The following MRTFB variants were observed in gnomAD, a reference collection of about 807,000 sequenced individuals.
MRTFB encodes the protein myocardin related transcription factor B.
A neutral mutation model predicts 104.2 loss-of-function variants in MRTFB; 29 were observed. The ratio of observed to expected loss-of-function variants is 0.28; its 90% CI spans 0.21 to 0.38. The LOEUF is 0.38. Ranked by LOEUF, MRTFB falls within the 10% of genes least tolerant of loss-of-function variation. The probability of loss-of-function intolerance (pLI) is 1.00; values close to 1 mark genes in which losing one functional copy is unlikely to be tolerated. For synonymous variants in MRTFB, 535 were observed against 519.5 expected, an observed-to-expected ratio of 1.03 and a Z score of -0.41; for missense variants, 1,270 against 1,341.6, an observed-to-expected ratio of 0.95 and a Z score of 0.83.
At chr16:14,231,187 G>A (rs1352091788) in intron 8 of MRTFB, among the ~76,000 whole-genome samples, 3 of 151,588 alleles carry the variant, frequency 2.0e-5, no homozygotes, top group African/African-American at 7.3e-5. Flanking sequence ...AATGCTAAAT[G>A]ACGAGTTAAT....
the MRTFB span, among the ~76,000 whole-genome samples, chr16:13,994,984 T>C: frequency 6.6e-6 from 1 of 152,164 alleles, no homozygotes; most frequent in African/African-American, 2.4e-5. Context: ...GGTTTTATGA[T>C]GGTTTCTCAG....
At position 14,261,753 on chromosome 16, in the gene MRTFB, T is replaced by C. The variant is rs2043786628; in HGVS notation, c.*309T>C. The C allele has an allele frequency of 3.6e-6, 1 of 278,516 alleles. No homozygotes were observed. Among genetic ancestry groups the C allele is most frequent in the Non-Finnish European group, 6.7e-6 (1 of 148,774 alleles). The allele number at this position is 278,516 out of a possible 1,614,324, so 17.3% of individuals were successfully genotyped here. On this transcript the variant is annotated 3_prime_UTR_variant, in exon 17 of 17. Transcript: ENST00000571589. Reference sequence around the variant, plus strand: ...TTTAGATAAAAACAAAGAAGAGTAATATATGCAGCACAGTGACGTTAGGAT... The same window carrying C: ...TTTAGATAAAAACAAAGAAGAGTAACATATGCAGCACAGTGACGTTAGGAT...
At chr16:14,022,113 G>A in the MRTFB span, among the ~76,000 whole-genome samples, 1 of 152,134 alleles carries the variant, frequency 6.6e-6, no homozygotes, top group South Asian at 2.1e-4. Context: ...TATTTTAAAG[G>A]CTATACTTTT....
the MRTFB span, among the ~76,000 whole-genome samples, chr16:14,039,270 C>T: frequency 6.6e-6 from 1 of 152,220 alleles, no homozygotes; most frequent in African/African-American, 2.4e-5. Context: ...AGTATCCTCA[C>T]AACATGGCTG....
chr16:14,064,487 T>C, the MRTFB span, among the ~76,000 whole-genome samples: 4 of 152,230 alleles, frequency 2.6e-5, no homozygotes, highest in African/African-American at 9.6e-5. Context: ...GTCCCATTTG[T>C]TGATTTTTAT....
chr16:14,232,661 G>A (rs968853487), intron 8 of MRTFB, among the ~76,000 whole-genome samples: 7 of 152,204 alleles, frequency 4.6e-5, no homozygotes, highest in African/African-American at 1.4e-4. Context: ...GGGCATGCAC[G>A]ATTAATTGCA....
At position 14,246,912 on chromosome 16, in the gene MRTFB, A is replaced by G; in HGVS notation, c.1652A>G (p.Asp551Gly). 1.2e-6 allele frequency: 2 copies of G among 1,614,002 alleles called. No homozygotes were observed. Among genetic ancestry groups the G allele is most frequent in the Non-Finnish European group, 1.7e-6 (2 of 1,180,036 alleles). Residue 551 changes from aspartate to glycine, a missense_variant, in exon 12 of 17, where the codon GAC becomes GGC. This residue lies in a region of MRTFB where 1,144 missense variants were observed against 1,131.5 expected (regional missense o/e 1.01). Coordinates refer to ENST00000571589, the MANE Select transcript of MRTFB (RefSeq NM_001308142.2). ...CCTTTGAGAATGACAAATAATGAAG[A>G]CAGTCTGAGTCCCACCAGCAGCACT... is the stretch of plus-strand genomic sequence containing the variant. ...SSPLRMTNNEDSLSPTSSTLS... is the reference protein window; with the variant it reads ...SSPLRMTNNEGSLSPTSSTLS...
the MRTFB span, among the ~76,000 whole-genome samples, chr16:14,023,115 A>G: frequency 1.3e-5 from 2 of 152,090 alleles, no homozygotes; most frequent in East Asian, 3.8e-4. Context: ...GAAAGGGAGC[A>G]GCTATTAACC....
chr16:14,033,073 A>T, the MRTFB span, among the ~76,000 whole-genome samples: 2 of 152,032 alleles, frequency 1.3e-5, no homozygotes, highest in Non-Finnish European at 2.9e-5. Context: ...AATGACAGAT[A>T]GCTGGGAAGC....
the MRTFB span, among the ~76,000 whole-genome samples, chr16:14,024,125 A>T: frequency 6.6e-6 from 1 of 151,918 alleles, no homozygotes; most frequent in Non-Finnish European, 1.5e-5. Flanking sequence ...ATTATCAGCA[A>T]TCACATTGCC....
In MRTFB at chr16:14,263,918, G is replaced by C. The variant is rs868090988; in HGVS notation, c.*2474G>C. On this transcript the variant is annotated 3_prime_UTR_variant, in exon 17 of 17. Coordinates refer to ENST00000571589, the MANE Select transcript of MRTFB (RefSeq NM_001308142.2). ...CCTGTGACACGAGTGCTGCTCTCCA[G>C]GATCTCCACTACATGTTCCAGGTTG... 1 of 152,122 alleles carries C rather than the reference G, an allele frequency of 6.6e-6. No homozygotes were observed. Among genetic ancestry groups the C allele is most frequent in the Non-Finnish European group, 1.5e-5 (1 of 68,040 alleles). 9.4% of individuals were successfully genotyped at this position (152,122 alleles called of 1,614,324 possible). A position where few individuals can be genotyped will look rare whatever the true frequency, so the allele number is the denominator to read the frequency against.
At chr16:14,063,506 C>T in the MRTFB span, among the ~76,000 whole-genome samples, 72 of 152,308 alleles carry the variant, frequency 4.7e-4, no homozygotes, top group African/African-American at 1.5e-3. Flanking sequence ...CTCTCCTCCC[C>T]GACTCAACCC....
At chr16:14,212,327 C>G in intron 4 of MRTFB, 27 bp from the exon 5 acceptor site, 1 of 1,612,392 alleles carries the variant, frequency 6.2e-7, no homozygotes, top group Non-Finnish European at 8.5e-7. Context: ...TCTATTTATA[C>G]TGTGGAAACC....
chr16:14,083,892 A>C (rs932836131), intron 2 of MRTFB, among the ~76,000 whole-genome samples: 7 of 152,142 alleles, frequency 4.6e-5, no homozygotes, highest in Non-Finnish European at 8.8e-5. Context: ...AATCTTTGGC[A>C]ATCCAGTAGG....
intron 15 of MRTFB, among the ~76,000 whole-genome samples, chr16:14,256,448 G>T (rs1407188706): frequency 2.0e-5 from 3 of 152,216 alleles, no homozygotes; most frequent in East Asian, 1.9e-4. Context: ...ATTGGCAGAG[G>T]TGATGGTGTG....
intron 9 of MRTFB, among the ~76,000 whole-genome samples, chr16:14,238,355 C>T (rs765690164): frequency 1.3e-5 from 2 of 151,706 alleles, no homozygotes; most frequent in African/African-American, 4.8e-5. Context: ...GTGAGGGGAC[C>T]GTGGGATATA....
At chr16:14,213,065 A>G (rs1385551188) in intron 5 of MRTFB, among the ~76,000 whole-genome samples, 1 of 152,254 alleles carries the variant, frequency 6.6e-6, no homozygotes, top group African/African-American at 2.4e-5. Context: ...TTACAGTCTT[A>G]TAAAACCTGT....
intron 2 of MRTFB, among the ~76,000 whole-genome samples, chr16:14,098,934 T>C (rs986204858): frequency 2.6e-5 from 4 of 152,232 alleles, no homozygotes; most frequent in Admixed American, 2.0e-4. Context: ...GTTTCATTAA[T>C]CTATTTGTCT....
At chr16:14,030,785 G>A in the MRTFB span, among the ~76,000 whole-genome samples, 1,170 of 152,242 alleles carry the variant, frequency 7.7e-3, 16 homozygotes, top group African/African-American at 0.027. Flanking sequence ...AGTGGAACCC[G>A]GAGCCACTGG....
Sources: gnomAD v4.1 joint callset for allele counts (sites outside exome capture counted in the v4.1 genomes callset) on GRCh38, gnomAD v4.1.1 for gene constraint, gnomAD v4.1.1 regional missense constraint, MANE v1.5 for transcripts, NCBI Gene and HGNC (gene_info 2026-07-23, HGNC 2026-07-21) for gene names.